TMEM74: variants seen among roughly 807,000 people sequenced by gnomAD.
TMEM74 encodes transmembrane protein 74.
In TMEM74, 13 loss-of-function variants were observed where a neutral mutation model predicts 18.1. That is an observed-to-expected ratio of 0.72 (90% CI 0.47 to 1.14). The LOEUF (loss-of-function observed/expected upper bound fraction) is 1.14. TMEM74 is among the 50% of genes most tolerant of loss of function. TMEM74 has a pLI of 0.00. For synonymous variants in TMEM74, 159 were observed against 146.6 expected (o/e 1.08, Z -0.61); for missense variants, 372 against 375.9 (o/e 0.99, Z 0.09).
rs533061822 is a variant in TMEM74, at chr8:108,710,422, C to T, written n.120-54985G>A. 2.0e-5 allele frequency among the ~76,000 whole-genome samples: 3 copies of T among 152,314 alleles called. No homozygotes were observed. In the South Asian group the frequency reaches 6.2e-4, roughly 32 times the overall value. ...TACTATATGGAACTGCATGTGAGTT[C>T]TGGTATCTTTAAACCCATTTTCTTC... On this transcript the variant is annotated intron_variant and non_coding_transcript_variant, in intron 1 of 3. Coordinates refer to the TMEM74 transcript ENST00000518838.
chr8:108,756,603 G>GAAAGAGA (rs1563543627), intron 1 of TMEM74, among the ~76,000 whole-genome samples: 18 of 44,292 alleles, frequency 4.1e-4, no homozygotes, highest in African/African-American at 2.0e-3. Flanking sequence ...AAAGAGAAAG[G>GAAAGAGA]AAGGAAGGAA....
intron 1 of TMEM74, among the ~76,000 whole-genome samples, chr8:108,787,274 G>C (rs993632987): frequency 3.9e-5 from 6 of 152,168 alleles, no homozygotes; most frequent in African/African-American, 1.4e-4. Flanking sequence ...TGGCAGCGGT[G>C]CCCCCAGCAG....
At chr8:108,718,039 A>G (rs1342650723) in intron 1 of TMEM74, among the ~76,000 whole-genome samples, 1 of 62,598 alleles carries the variant, frequency 1.6e-5, no homozygotes, top group Non-Finnish European at 2.4e-5. Flanking sequence ...GCTCACTGCA[A>G]GCTCCGCCTC....
chr8:108,717,942 G>GTT (rs869263977), intron 1 of TMEM74, among the ~76,000 whole-genome samples: 1,533 of 45,848 alleles, frequency 0.033, 374 homozygotes, highest in Non-Finnish European at 0.046. Flanking sequence ...TCTGACTTAG[G>GTT]TTTTTTTTTT....
chr8:108,761,654 T>C (rs1814045978), intron 1 of TMEM74, among the ~76,000 whole-genome samples: 1 of 152,136 alleles, frequency 6.6e-6, no homozygotes, highest in African/African-American at 2.4e-5. Context: ...TGTTACCCTC[T>C]TCCTATTCTC....
At chr8:108,706,585 C>T (rs1010005817) in intron 1 of TMEM74, among the ~76,000 whole-genome samples, 2 of 152,162 alleles carry the variant, frequency 1.3e-5, no homozygotes, top group Non-Finnish European at 2.9e-5. Flanking sequence ...GGACCTATTA[C>T]TTTTTGAAAA....
rs575277205 is a variant in TMEM74 at position 108,649,882 on chromosome 8, T to C, written n.264+5411A>G. Reference sequence around the variant, plus strand: ...TAAATGCGGGTTAACAGCCTCAACCTTTTCTCTTTGAGTAGATTATTTTGC... The same window carrying C: ...TAAATGCGGGTTAACAGCCTCAACCCTTTCTCTTTGAGTAGATTATTTTGC... On this transcript the variant is annotated intron_variant and non_coding_transcript_variant, in intron 2 of 3. Coordinates refer to the TMEM74 transcript ENST00000518838. Among the ~76,000 whole-genome samples the C allele has an allele frequency of 2.0e-5, 3 of 152,270 alleles. No individual in the cohort carries two copies. In the East Asian group the frequency reaches 5.8e-4, roughly 29 times the overall value.
intron 1 of TMEM74, among the ~76,000 whole-genome samples, chr8:108,785,735 C>A (rs954697396): frequency 2.0e-5 from 3 of 152,182 alleles, no homozygotes; most frequent in Admixed American, 6.5e-5. Context: ...ATGAAAAAGG[C>A]CAGCTTAATC....
At chr8:108,617,635 T>A (rs550588688) in intron 2 of TMEM74, among the ~76,000 whole-genome samples, 1 of 152,096 alleles carries the variant, frequency 6.6e-6, no homozygotes, top group African/African-American at 2.4e-5. Context: ...AGAAATTTAA[T>A]CTTCCTACAG....
chr8:108,680,070 C>T (rs1163558033), intron 1 of TMEM74, among the ~76,000 whole-genome samples: 1 of 152,034 alleles, frequency 6.6e-6, no homozygotes, highest in African/African-American at 2.4e-5. Flanking sequence ...AAAAAAAGTC[C>T]AGGATCTACC....
chr8:108,674,987 A>G (rs1355596311), intron 1 of TMEM74, among the ~76,000 whole-genome samples: 3 of 152,182 alleles, frequency 2.0e-5, no homozygotes, highest in Non-Finnish European at 4.4e-5. Context: ...TCAGTTGTGA[A>G]AAGTGGCAGA....
intron 1 of TMEM74, among the ~76,000 whole-genome samples, chr8:108,692,160 G>T (rs1193457698): frequency 6.6e-6 from 1 of 152,206 alleles, no homozygotes; most frequent in Non-Finnish European, 1.5e-5. Context: ...GCATGTGTAT[G>T]TAAAGAGTTG....
At chr8:108,786,228 C>T (rs1814383622) in intron 1 of TMEM74, among the ~76,000 whole-genome samples, 1 of 152,218 alleles carries the variant, frequency 6.6e-6, no homozygotes, top group South Asian at 2.1e-4. Context: ...CCCCCGACTG[C>T]AGCAAGGGGC....
chr8:108,638,560 G>T (rs1253819086), intron 2 of TMEM74, among the ~76,000 whole-genome samples: 1 of 136,240 alleles, frequency 7.3e-6, no homozygotes, highest in East Asian at 2.2e-4. Flanking sequence ...AAAGTCTCTA[G>T]CATTAAAAAA....
chr8:108,779,042 C>T lies in TMEM74; in HGVS notation c.*5139G>A, dbSNP rs958014250. ...CAAATATAATTTTAAAAGACCAAATCAGCATTACAGATTCCAATTTAAATT... is the reference window on the plus strand; with the variant it reads ...CAAATATAATTTTAAAAGACCAAATTAGCATTACAGATTCCAATTTAAATT... On this transcript the variant is annotated 3_prime_UTR_variant, in exon 2 of 2. Coordinates refer to ENST00000297459, the MANE Select transcript of TMEM74 (RefSeq NM_153015.3). Among the ~76,000 whole-genome samples the T allele has an allele frequency of 3.9e-4, 60 of 152,192 alleles. No individual in the cohort carries two copies. The highest frequency in any genetic ancestry group is 1.3e-3 in the African/African-American group (55 of 41,540).
intron 1 of TMEM74, among the ~76,000 whole-genome samples, chr8:108,667,354 G>A (rs72673014): frequency 1.3e-3 from 194 of 152,176 alleles, no homozygotes; most frequent in Admixed American, 2.8e-3. Context: ...GTATTTTCCC[G>A]TCATATGATA....
chr8:108,758,975 T>C (rs1448134977), intron 1 of TMEM74, among the ~76,000 whole-genome samples: 2 of 152,116 alleles, frequency 1.3e-5, no homozygotes, highest in East Asian at 3.9e-4. Context: ...ACATGATTTA[T>C]ATAATGCTTA....
At chr8:108,711,054 G>A (rs1271140481) in intron 1 of TMEM74, among the ~76,000 whole-genome samples, 1 of 152,252 alleles carries the variant, frequency 6.6e-6, no homozygotes, top group East Asian at 1.9e-4. Context: ...CCTCTTATTT[G>A]TTTTTACCTT....
chr8:108,637,716 G>A (rs1812621312), intron 2 of TMEM74, among the ~76,000 whole-genome samples: 1 of 152,086 alleles, frequency 6.6e-6, no homozygotes, highest in African/African-American at 2.4e-5. Flanking sequence ...CAGGACTACT[G>A]ACACCTTTAC....
Sources: gnomAD v4.1 joint callset for allele counts (sites outside exome capture counted in the v4.1 genomes callset) on GRCh38, gnomAD v4.1.1 for gene constraint, MANE v1.5 for transcripts, NCBI Gene and HGNC (gene_info 2026-07-23, HGNC 2026-07-21) for gene names.